Variants in SIRT1 observed in about 807,000 individuals in gnomAD.
The protein encoded by SIRT1 is NAD-dependent protein deacetylase sirtuin-1.
A neutral mutation model predicts 67.9 loss-of-function variants in SIRT1; 24 were observed. That is an observed-to-expected ratio of 0.35 (90% CI 0.26 to 0.50). The LOEUF (loss-of-function observed/expected upper bound fraction) is 0.50. Ranked by LOEUF, SIRT1 falls within the 20% of genes least tolerant of loss-of-function variation. The pLI, the probability that SIRT1 is intolerant of heterozygous loss-of-function variation, is 0.98. For missense variants in SIRT1, 873 were observed against 937.2 expected (o/e 0.93, Z 0.89); for synonymous variants, 378 against 350.7 (o/e 1.08, Z -0.87).
intron 4 of SIRT1, among the ~76,000 whole-genome samples, chr10:67,901,462 C>T (rs1031533034): frequency 1.3e-5 from 2 of 152,114 alleles, no homozygotes; most frequent in Non-Finnish European, 2.9e-5. Context: ...GGTATATGTT[C>T]ACAGCTGGAT....
chr10:67,915,349 G>A (rs2029881300), intron 8 of SIRT1, among the ~76,000 whole-genome samples: 1 of 152,200 alleles, frequency 6.6e-6, no homozygotes, highest in Admixed American at 6.5e-5. Context: ...TTCAAGGATA[G>A]AAAACTTTTC....
At chr10:67,906,385 C>T in intron 4 of SIRT1, 4 of 1,137,844 alleles carry the variant, frequency 3.5e-6, no homozygotes, top group South Asian at 1.7e-5. Flanking sequence ...ATTGACAGTG[C>T]TTTTTTTTTT....
chr10:67,885,585 A>G (rs914275557), intron 1 of SIRT1, among the ~76,000 whole-genome samples: 2 of 97,034 alleles, frequency 2.1e-5, no homozygotes, highest in African/African-American at 4.0e-5. Flanking sequence ...TGCGTTTTCA[A>G]TTGCTTTTTG....
chr10:67,886,863 T>TC lies in SIRT1; in HGVS notation c.431-554_431-553insC, dbSNP rs535604103. On this transcript the variant is annotated intron_variant, in intron 1 of 8. Transcript: ENST00000212015. ...CTAGCTAGATTATTATCTTTTCTTT[T>TC]TTTTTTTCCTTTTCTTTTTTTTTAA... 1.2e-3 allele frequency among the ~76,000 whole-genome samples: 181 copies of TC among 152,148 alleles called. 1 individual carries two copies. Among genetic ancestry groups the TC allele is most frequent in the Admixed American group, 2.9e-3 (45 of 15,258 alleles).
intron 5 of SIRT1, 50 bp downstream of exon 5, chr10:67,906,987 A>G: frequency 6.8e-7 from 1 of 1,468,034 alleles, no homozygotes; most frequent in South Asian, 1.4e-5. Context: ...GTTTTATAGG[A>G]AGATATTTCC....
chr10:67,911,268 A>G (rs1237297782), intron 7 of SIRT1, among the ~76,000 whole-genome samples: 1 of 152,142 alleles, frequency 6.6e-6, no homozygotes, highest in South Asian at 2.1e-4. Context: ...GTTTCAGCTC[A>G]CTGCAGCCTT....
At chr10:67,891,243 T>C (rs1842568120) in intron 3 of SIRT1, among the ~76,000 whole-genome samples, 159 bp from the exon 4 acceptor site, 1 of 152,196 alleles carries the variant, frequency 6.6e-6, no homozygotes, top group South Asian at 2.1e-4. Context: ...GGGAGTTTTA[T>C]TTCTGAAATA....
At position 67,917,846 on chromosome 10, in the gene SIRT1, C is replaced by T. The variant is rs201955286; in HGVS notation, c.*1253C>T. Reference sequence around the variant, plus strand: ...TCAACTTTCTCAGCTGCAAAAGCTTCTAGTCTTTCAAGAAGTTCATACTTT... The same window carrying T: ...TCAACTTTCTCAGCTGCAAAAGCTTTTAGTCTTTCAAGAAGTTCATACTTT... On this transcript the variant is annotated 3_prime_UTR_variant, in exon 9 of 9. Coordinates refer to ENST00000212015, the MANE Select transcript of SIRT1 (RefSeq NM_012238.5). 6.6e-6 allele frequency: 1 copy of T among 152,548 alleles called. No individual in the cohort carries two copies. Among genetic ancestry groups the T allele is most frequent in the Non-Finnish European group, 1.5e-5 (1 of 68,016 alleles). 9.4% of individuals were successfully genotyped at this position (152,548 alleles called of 1,614,324 possible). A position where few individuals can be genotyped will look rare whatever the true frequency, so the allele number is the denominator to read the frequency against.
intron 1 of SIRT1, 151 bp from the exon 2 acceptor site, chr10:67,887,266 G>C: frequency 2.0e-6 from 1 of 490,962 alleles, no homozygotes; most frequent in East Asian, 3.4e-5. Context: ...CTGTTCCAAT[G>C]AACAGTGCAA....
At chr10:67,908,484 T>C (rs1234052458) in intron 6 of SIRT1, among the ~76,000 whole-genome samples, 1 of 152,208 alleles carries the variant, frequency 6.6e-6, no homozygotes, top group Non-Finnish European at 1.5e-5. Context: ...ATTTCATACA[T>C]GTTCATTGCC....
intron 1 of SIRT1, 179 bp downstream of exon 1, chr10:67,885,330 G>A (rs947640662): frequency 6.9e-5 from 86 of 1,239,524 alleles, no homozygotes; most frequent in Non-Finnish European, 8.4e-5. Context: ...TGCGCGAGCT[G>A]CCAGTGGATT....
intron 4 of SIRT1, among the ~76,000 whole-genome samples, chr10:67,899,410 A>G (rs1308889512): frequency 6.6e-6 from 1 of 151,758 alleles, no homozygotes; most frequent in Non-Finnish European, 1.5e-5. Flanking sequence ...ATATATCTAT[A>G]TATAGTTTGC....
At chr10:67,909,169 A>G (rs751347421) in intron 6 of SIRT1, 87 bp from the exon 7 acceptor site, 1 of 833,738 alleles carries the variant, frequency 1.2e-6, no homozygotes, top group Non-Finnish European at 1.8e-6. Flanking sequence ...TCTGAAATGT[A>G]TTCTTAGAGG....
In SIRT1 at chr10:67,914,059, A is replaced by ATTT. The variant is rs57073724; in HGVS notation, c.1915+1056_1915+1058dup. Among the ~76,000 whole-genome samples the ATTT allele has an allele frequency of 7.0e-4, 62 of 88,244 alleles. 2 individuals carry two copies. Among genetic ancestry groups the ATTT allele is most frequent in the African/African-American group, 2.6e-3 (51 of 19,454 alleles). The allele number at this position is 88,244 out of a possible 152,430, so 57.9% of individuals were successfully genotyped here. ...GAACAAAACATCACACAAAAGGTAG[A>ATTT]TTTTTTTTTTTTTTTTTTTTTTTTT... On this transcript the variant is annotated intron_variant, in intron 8 of 8. Coordinates refer to ENST00000212015, the MANE Select transcript of SIRT1 (RefSeq NM_012238.5).
intron 3 of SIRT1, 96 bp downstream of exon 3, chr10:67,889,219 A>C: frequency 7.5e-7 from 1 of 1,328,704 alleles, no homozygotes; most frequent in Non-Finnish European, 1.0e-6. Context: ...ATTTATCCTT[A>C]CATGATAATG....
chr10:67,893,235 C>T (rs566632213), intron 4 of SIRT1, among the ~76,000 whole-genome samples: 27 of 152,298 alleles, frequency 1.8e-4, no homozygotes, highest in Middle Eastern at 3.4e-3. Flanking sequence ...ATCTATCAAC[C>T]TGTCATCTAG....
chr10:67,895,201 C>T (rs1842634376), intron 4 of SIRT1, among the ~76,000 whole-genome samples: 1 of 152,082 alleles, frequency 6.6e-6, no homozygotes, highest in African/African-American at 2.4e-5. Context: ...GGGTGGATCA[C>T]CTGAGGTCAG....
intron 4 of SIRT1, among the ~76,000 whole-genome samples, chr10:67,894,703 A>T (rs1369505457): frequency 6.6e-6 from 1 of 152,024 alleles, no homozygotes; most frequent in African/African-American, 2.4e-5. Context: ...CTGTTTATAT[A>T]AATTTATTTA....
intron 1 of SIRT1, among the ~76,000 whole-genome samples, chr10:67,885,677 T>G (rs1842467060): frequency 6.6e-6 from 1 of 152,146 alleles, no homozygotes; most frequent in East Asian, 1.9e-4. Context: ...AGGAAAGCTG[T>G]TTCTATAGTC....
Sources: gnomAD v4.1 joint callset for allele counts (sites outside exome capture counted in the v4.1 genomes callset) on GRCh38, gnomAD v4.1.1 for gene constraint, MANE v1.5 for transcripts, NCBI Gene and HGNC (gene_info 2026-07-23, HGNC 2026-07-21) for gene names.